Variants in P2RX6 observed in about 807,000 individuals in gnomAD.
The protein encoded by P2RX6 is P2X purinoceptor 6.
In P2RX6, 62 loss-of-function variants were observed where a neutral mutation model predicts 54.2. The observed-to-expected ratio is 1.14, with a 90% CI of 0.93 to 1.41. The LOEUF (loss-of-function observed/expected upper bound fraction) is 1.41, where lower values mean the gene tolerates loss of function less well. Ranked by LOEUF, P2RX6 falls within the 40% of genes most tolerant of loss-of-function variation. P2RX6 has a pLI of 0.00. For missense variants in P2RX6, 541 were observed against 566.3 expected, an observed-to-expected ratio of 0.96 and a Z score of 0.45; for synonymous variants, 211 against 231.9, an observed-to-expected ratio of 0.91 and a Z score of 0.82.
intron 3 of P2RX6, 27 bp downstream of exon 3, chr22:21,018,087 G>T (rs747825064): frequency 1.3e-6 from 2 of 1,540,284 alleles, no homozygotes; most frequent in Admixed American, 1.7e-5. Flanking sequence ...TCCTCCCAGC[G>T]GGTCCCTTGT....
intron 7 of P2RX6, 37 bp from the exon 8 acceptor site, chr22:21,023,472 C>T (rs749053064): frequency 1.2e-6 from 2 of 1,613,040 alleles, no homozygotes; most frequent in Non-Finnish European, 8.5e-7. Context: ...GGGTCCCGGG[C>T]CCACCCACCG....
At chr22:21,016,336 G>A (rs1926380505) in intron 2 of P2RX6, among the ~76,000 whole-genome samples, 1 of 152,008 alleles carries the variant, frequency 6.6e-6, no homozygotes, top group South Asian at 2.1e-4. Flanking sequence ...GCTGGCTCAC[G>A]CCTGTAATCC....
In P2RX6 at chr22:21,015,248, A is replaced by G; in HGVS notation, c.74A>G (p.Tyr25Cys). The G allele has an allele frequency of 6.5e-7, 1 of 1,539,308 alleles. No individual in the cohort carries two copies. Among genetic ancestry groups the G allele is most frequent in the Non-Finnish European group, 8.7e-7 (1 of 1,153,814 alleles). Residue 25 changes from tyrosine to cysteine, a missense_variant, in exon 1 of 12, where the codon TAT (tyrosine) becomes TGT (cysteine). Transcript: ENST00000413302. ...ACGACAGGCTGGGGGCTTCTGGATTATAAGACGGAGAAGTATGTGATGACC... is the reference window on the plus strand; with the variant it reads ...ACGACAGGCTGGGGGCTTCTGGATTGTAAGACGGAGAAGTATGTGATGACC... Reference protein sequence around the residue: ...GATTGWGLLDYKTEKYVMTRN... With the variant: ...GATTGWGLLDCKTEKYVMTRN...
At position 21,026,515 on chromosome 22, in the gene P2RX6, A is replaced by G. The variant is rs757177466; in HGVS notation, c.1224A>G (p.Ala408=). The G allele has an allele frequency of 5.7e-6, 9 of 1,592,370 alleles. No individual in the cohort carries two copies. Among genetic ancestry groups the G allele is most frequent in the Admixed American group, 3.5e-5 (2 of 57,072 alleles). Residue 408 remains alanine (A), a synonymous_variant, in exon 12 of 12, where the codon GCA becomes GCG. Transcript: ENST00000413302. This position sits in a 1 kb window ranked among gnomAD's most constrained non-coding sequence, Gnocchi z 4.0. ...CCGAGTGCCTCAGACGGAGCTCAGC[A>G]CCTGCACCCACGGCCACTGCTGCTG... is the stretch of plus-strand genomic sequence containing the variant. ...RLAECLRRSS[A]PAPTATAAGS...
chr22:21,023,548 C>G lies in P2RX6; in HGVS notation c.820C>G (p.Leu274Val), dbSNP rs778826032. The change falls in exon 8 of 12, where the codon CTG (leucine) becomes GTG (valine). Residue 274 changes from leucine (L) to valine (V), a missense_variant. This residue lies in a region of P2RX6 where 526 missense variants were observed against 531.5 expected (regional missense o/e 0.99). Coordinates refer to ENST00000413302, the MANE Select transcript of P2RX6 (RefSeq NM_005446.5). Reference protein sequence around the residue: ...VGIRVHWDCDLDTGDSGCWPH... With the variant: ...VGIRVHWDCDVDTGDSGCWPH... ...CATCAGAGTTCACTGGGATTGTGAC[C>G]TGGACACCGGGGACTCTGGCTGCTG... is the stretch of plus-strand genomic sequence containing the variant. The G allele has an allele frequency of 1.9e-6, 3 of 1,613,814 alleles. No homozygotes were observed. The East Asian group carries it at 6.7e-5, about 36-fold the overall frequency.
intron 1 of P2RX6, chr22:21,010,029 A>G (rs938074669): frequency 1.3e-5 from 2 of 152,270 alleles, no homozygotes; most frequent in Non-Finnish European, 2.9e-5. Flanking sequence ...GCAACTGCCA[A>G]TACTTGTTCT....
chr22:21,015,898 T>C, intron 1 of P2RX6, 44 bp from the exon 2 acceptor site: 2 of 1,541,816 alleles, frequency 1.3e-6, no homozygotes, highest in East Asian at 2.4e-5. Flanking sequence ...CCCCTGTCAC[T>C]ACACGCTGGG....
upstream of P2RX6, chr22:21,013,178 T>A (rs1337397229): frequency 6.1e-6 from 1 of 163,232 alleles, no homozygotes; most frequent in Non-Finnish European, 1.5e-5. Flanking sequence ...TCCAAGTCCA[T>A]GGGTGCCTGG....
chr22:21,013,361 A>G (rs995505421), upstream of P2RX6, among the ~76,000 whole-genome samples: 20 of 152,326 alleles, frequency 1.3e-4, no homozygotes, highest in African/African-American at 4.6e-4. Flanking sequence ...AGGCAACGCA[A>G]ATCTTTTCCT....
chr22:21,025,163 G>C (rs900403872), intron 8 of P2RX6, among the ~76,000 whole-genome samples: 5 of 152,182 alleles, frequency 3.3e-5, no homozygotes, highest in African/African-American at 1.2e-4. Flanking sequence ...TTACAGGTGT[G>C]AGCCACTGTG....
Position 21,022,674 on chromosome 22 carries a change from A to G in P2RX6, c.388-2A>G. 1 of 1,541,544 alleles carries G rather than the reference A, an allele frequency of 6.5e-7. No individual in the cohort carries two copies. The highest frequency in any genetic ancestry group is 2.3e-5 in the East Asian group (1 of 43,778). On this transcript the variant is annotated splice_acceptor_variant, in intron 3 of 11. Coordinates refer to ENST00000413302, the MANE Select transcript of P2RX6 (RefSeq NM_005446.5). LOFTEE classifies it high-confidence loss of function. Reference sequence around the variant, plus strand: ...TGGTGACTGCTCTCTCTCCCACCTCAGCACCCGTCCGTCCCACTGGCTAAC... The same window carrying G: ...TGGTGACTGCTCTCTCTCCCACCTCGGCACCCGTCCGTCCCACTGGCTAAC...
upstream of P2RX6, among the ~76,000 whole-genome samples, chr22:21,010,560 T>C (rs395938): frequency 0.88 from 134,134 of 152,068 alleles, 59,333 homozygotes; most frequent in African/African-American, 0.95. Context: ...GCAGATTCAC[T>C]GGCATTCCCC....
intron 7 of P2RX6, 32 bp from the exon 8 acceptor site, chr22:21,023,477 C>T (rs999641830): frequency 1.2e-6 from 2 of 1,613,470 alleles, no homozygotes; most frequent in African/African-American, 1.3e-5. Flanking sequence ...CCGGGCCCAC[C>T]CACCGGTGGA....
At chr22:21,018,193 C>A in intron 3 of P2RX6, 133 bp downstream of exon 3, 1 of 690,962 alleles carries the variant, frequency 1.4e-6, no homozygotes, top group Non-Finnish European at 2.7e-6. Context: ...AGGCACTGGG[C>A]TACATCTTTT....
Position 21,026,875 on chromosome 22 carries a change from G to C in P2RX6, c.*258G>C. 1.6e-6 allele frequency: 1 copy of C among 629,446 alleles called. No homozygotes were observed. Among genetic ancestry groups the C allele is most frequent in the Non-Finnish European group, 2.6e-6 (1 of 381,806 alleles). The allele number at this position is 629,446 out of a possible 1,614,324, so 39.0% of individuals were successfully genotyped here. ...GCAGGCACCTGTATTGCAGGGCTCC[G>C]ACTGCATGTGGCAGGGGCTCCTGCT... On this transcript the variant is annotated 3_prime_UTR_variant, in exon 12 of 12. Transcript: ENST00000413302. The surrounding 1 kb of genome is among the most constrained non-coding windows in gnomAD (Gnocchi z 4.0).
chr22:21,023,716 T>C, intron 8 of P2RX6, 98 bp downstream of exon 8: 2 of 828,150 alleles, frequency 2.4e-6, no homozygotes, highest in Admixed American at 2.2e-5. Context: ...CCTCTAGATA[T>C]TCCACTACGT....
At chr22:21,013,132 GC>G, upstream of P2RX6, 1 of 164,944 alleles carries the variant, frequency 6.1e-6, no homozygotes. Context: ...TATGGATCCA[GC>G]AAGACCTCAG....
intron 3 of P2RX6, 60 bp from the exon 4 acceptor site, chr22:21,022,616 T>TGGGC: frequency 1.5e-6 from 2 of 1,309,158 alleles, no homozygotes; most frequent in South Asian, 3.2e-5. Context: ...CCTTTGAGAC[T>TGGGC]GGGCTGTGGA....
At chr22:21,014,596 G>C (rs1279096922), upstream of P2RX6, among the ~76,000 whole-genome samples, 1 of 152,172 alleles carries the variant, frequency 6.6e-6, no homozygotes, top group Non-Finnish European at 1.5e-5. Flanking sequence ...GACTTGTGTT[G>C]TCCTCACTGC....
Sources: allele counts gnomAD v4.1 joint callset (sites outside exome capture counted in the v4.1 genomes callset), GRCh38; gene constraint gnomAD v4.1.1; regional missense constraint gnomAD v4.1.1; non-coding constraint Gnocchi (gnomAD v3.1); transcripts MANE v1.5; gene names NCBI Gene and HGNC (gene_info 2026-07-23, HGNC 2026-07-21).